RNF31: variants seen among roughly 807,000 people sequenced by gnomAD.
The protein encoded by RNF31 is ring finger protein 31.
Under a neutral mutation model 133.6 loss-of-function variants are expected in RNF31, and 38 were observed. The ratio of observed to expected loss-of-function variants is 0.28; its 90% confidence interval spans 0.22 to 0.37. RNF31 has a LOEUF of 0.37. Ranked by LOEUF, RNF31 falls within the 10% of genes least tolerant of loss-of-function variation. RNF31 has a pLI of 1.00. For missense variants in RNF31, 1,118 were observed against 1,394.1 expected, an observed-to-expected ratio of 0.80 and a Z score of 3.15; for synonymous variants, 582 against 552.3, an observed-to-expected ratio of 1.05 and a Z score of -0.75.
rs375001148 is a variant in RNF31, at chr14:24,151,664, C to G, written c.1917C>G (p.Asp639Glu). The G allele has an allele frequency of 6.2e-6, 10 of 1,610,580 alleles. No individual in the cohort carries two copies. Among genetic ancestry groups the G allele is most frequent in the Non-Finnish European group, 8.5e-6 (10 of 1,179,908 alleles). The stretch of plus-strand genomic sequence containing the variant: ...CCACCCCTTCCTGGGATGGGCCAGA[C>G]AAGCAGGTGCTGGGAGGAGGCAAGA... The part of the protein sequence containing the change: ...PEPTPSWDGP[D>E]KQSLVRRLLA... The change falls in exon 10 of 21, where the codon GAC (aspartate) becomes GAG (glutamate). Residue 639 changes from aspartate (D) to glutamate (E), a missense_variant. Transcript: ENST00000324103. The surrounding 1 kb of genome is among the most constrained non-coding windows in gnomAD (Gnocchi z 5.3).
chr14:24,151,628 T>G lies in RNF31; in HGVS notation c.1881T>G (p.Ser627Arg). 6.2e-7 allele frequency: 1 copy of G among 1,612,958 alleles called. No homozygotes were observed. The highest frequency in any genetic ancestry group is 8.5e-7 in the Non-Finnish European group (1 of 1,179,990). Reference sequence around the variant, plus strand: ...CCTTCCGCCAGCGCCTCTGGGACAGTGGCCCTGAGCCCACCCCTTCCTGGG... The same window carrying G: ...CCTTCCGCCAGCGCCTCTGGGACAGGGGCCCTGAGCCCACCCCTTCCTGGG... Reference protein sequence around the residue: ...LEPFRQRLWDSGPEPTPSWDG... With the variant: ...LEPFRQRLWDRGPEPTPSWDG... The change falls in exon 10 of 21, where the codon AGT becomes AGG. Residue 627 changes from serine to arginine, a missense_variant. Transcript: ENST00000324103. This position sits in a 1 kb window ranked among gnomAD's most constrained non-coding sequence, Gnocchi z 5.3.
At position 24,155,644 on chromosome 14, in the gene RNF31, A is replaced by C; in HGVS notation, c.2445A>C (p.Ala815=). Residue 815 remains alanine (A), a synonymous_variant, in exon 14 of 21, where the codon GCA becomes GCC. Transcript: ENST00000324103. The surrounding 1 kb of genome is among the most constrained non-coding windows in gnomAD (Gnocchi z 4.9). ...TATATGAGCGTGAGCAGCTGGAGGC[A>C]ACTTGTCCCCAGTGTCACCAGACCT... ...GFIYEREQLE[A]TCPQCHQTFC... 1 of 1,614,204 alleles carries C rather than the reference A, an allele frequency of 6.2e-7. No homozygotes were observed. Among genetic ancestry groups the C allele is most frequent in the Non-Finnish European group, 8.5e-7 (1 of 1,180,042 alleles).
Position 24,155,017 on chromosome 14 carries a change from C to G in RNF31, c.2131-140C>G. ...AGATGTTTACGTTGCCTGCCTGGCC[C>G]CTGCTGGCACTTGAGGTTGTTAACC... On this transcript the variant is annotated intron_variant, in intron 11 of 20. Transcript: ENST00000324103. The surrounding 1 kb of genome is among the most constrained non-coding windows in gnomAD (Gnocchi z 4.9). 1 of 753,978 alleles carries G rather than the reference C, an allele frequency of 1.3e-6. No homozygotes were observed. Among genetic ancestry groups the G allele is most frequent in the African/African-American group, 1.8e-5 (1 of 57,032 alleles). The allele number at this position is 753,978 out of a possible 1,614,324, so 46.7% of individuals were successfully genotyped here.
At position 24,148,644 on chromosome 14, in the gene RNF31, T is replaced by C. The variant is rs2038213951; in HGVS notation, c.498T>C (p.Asn166=). 1 of 1,614,194 alleles carries C rather than the reference T, an allele frequency of 6.2e-7. No individual in the cohort carries two copies. Reference sequence around the variant, plus strand: ...CGTTTTTATCTGTATTATTGCAGAATACTCATCCAAGACAGCAGGCACTGG... The same window carrying C: ...CGTTTTTATCTGTATTATTGCAGAACACTCATCCAAGACAGCAGGCACTGG... ...LRTELSLLLQ[N]THPRQQALEQ... is the part of the protein sequence containing the mutation. Residue 166 remains asparagine (N), a splice_region_variant and synonymous_variant, in exon 4 of 21, where the codon AAT becomes AAC. Coordinates refer to ENST00000324103, the MANE Select transcript of RNF31 (RefSeq NM_017999.5).
At chr14:24,159,463 A>G (rs1321734683) in intron 18 of RNF31, among the ~76,000 whole-genome samples, 1 of 151,846 alleles carries the variant, frequency 6.6e-6, no homozygotes, top group Non-Finnish European at 1.5e-5. Flanking sequence ...ACTTGAGCCC[A>G]GGAGTTTGAG....
chr14:24,159,097 C>T (rs1230631651), intron 18 of RNF31, among the ~76,000 whole-genome samples: 1 of 148,874 alleles, frequency 6.7e-6, no homozygotes, highest in Non-Finnish European at 1.5e-5. Flanking sequence ...GTAATCTCAG[C>T]ACTTTGGGAG....
intron 18 of RNF31, among the ~76,000 whole-genome samples, chr14:24,158,987 G>A (rs2031101): frequency 7.0e-6 from 1 of 143,622 alleles, no homozygotes; most frequent in African/African-American, 2.6e-5. Context: ...GAGCAGAGAT[G>A]GCGCCACCGC....
chr14:24,150,128 T>C lies in RNF31; in HGVS notation c.877T>C (p.Ser293Pro). ...SLLALGDSSL[S>P]SPNPASAHLP... ...GCTGGCCCTGGGAGACAGCTCTCTT[T>C]CTTCCCCTAATCCTGCAAGTGCTCA... Residue 293 changes from serine to proline, a missense_variant, in exon 7 of 21, where the codon TCT becomes CCT. Ser to Pro is a moderately conservative substitution (Grantham distance 74, BLOSUM62 -1). Transcript: ENST00000324103. 1 of 1,610,484 alleles carries C rather than the reference T, an allele frequency of 6.2e-7. No homozygotes were observed. Among genetic ancestry groups the C allele is most frequent in the Non-Finnish European group, 8.5e-7 (1 of 1,177,078 alleles).
chr14:24,157,129 A>G (rs1046565689), intron 14 of RNF31, among the ~76,000 whole-genome samples, 161 bp from the exon 15 acceptor site: 1 of 152,340 alleles, frequency 6.6e-6, no homozygotes, highest in African/African-American at 2.4e-5. Context: ...GGAGAAAATG[A>G]AAGGACCAAG....
rs934430520 is a variant in RNF31, at chr14:24,149,318, G to T, written c.632-88G>T. 9.8e-6 allele frequency: 13 copies of T among 1,325,634 alleles called. No homozygotes were observed. The African/African-American group carries it at 1.8e-4, about 18-fold the overall frequency. 82.1% of individuals were successfully genotyped at this position (1,325,634 alleles called of 1,614,324 possible). On this transcript the variant is annotated intron_variant, in intron 5 of 20. Coordinates refer to ENST00000324103, the MANE Select transcript of RNF31 (RefSeq NM_017999.5). ...TTCCTTGGGTCCAGATGTTTAAAAA[G>T]TAGTCTTGTGATTTGCCCCCATCCA...
Position 24,157,881 on chromosome 14 carries a change from A to T in RNF31, c.2728-17A>T. The T allele has an allele frequency of 6.2e-7, 1 of 1,608,142 alleles. No individual in the cohort carries two copies. The highest frequency in any genetic ancestry group is 8.5e-7 in the Non-Finnish European group (1 of 1,175,466). On this transcript the variant is annotated splice_polypyrimidine_tract_variant and intron_variant, in intron 16 of 20. Transcript: ENST00000324103. ...AACAGTCTCCAACTTCCTCTCTCCC[A>T]TCTGGGTTTCTGCCAGAAATGTCCA...
chr14:24,152,706 T>A lies in RNF31; in HGVS notation c.2130+714T>A, dbSNP rs182317583. Among the ~76,000 whole-genome samples the A allele has an allele frequency of 1.2e-4, 18 of 152,346 alleles. No homozygotes were observed. The East Asian group carries it at 1.3e-3, about 11-fold the overall frequency. On this transcript the variant is annotated intron_variant, in intron 11 of 20. Transcript: ENST00000324103. ...CAAAATAAAACACATACAGAGCCAGTCTAACTACTCTGACCTAGAGTACGT... is the reference window on the plus strand; with the variant it reads ...CAAAATAAAACACATACAGAGCCAGACTAACTACTCTGACCTAGAGTACGT...
At chr14:24,157,838 C>T (rs2038369149) in intron 16 of RNF31, 60 bp from the exon 17 acceptor site, 1 of 1,447,406 alleles carries the variant, frequency 6.9e-7, no homozygotes, top group East Asian at 2.3e-5. Context: ...GCAGGGGTTC[C>T]TGAGAGGCCA....
rs751363522 is a variant in RNF31 at position 24,147,822 on chromosome 14, C to T, written c.124C>T (p.Leu42=). Reference sequence around the variant, plus strand: ...GCTCCGGCCGCTACTAGCCAGCTCTCTGCCGCTAGCCGCCCGCTACCTGCA... The same window carrying T: ...GCTCCGGCCGCTACTAGCCAGCTCTTTGCCGCTAGCCGCCCGCTACCTGCA... ...EQLRPLLASS[L]PLAARYLQLD... The change falls in exon 1 of 21, where the codon CTG becomes TTG. Residue 42 remains leucine, a synonymous_variant. Coordinates refer to ENST00000324103, the MANE Select transcript of RNF31 (RefSeq NM_017999.5). The T allele has an allele frequency of 1.0e-5, 16 of 1,606,952 alleles. No individual in the cohort carries two copies. The highest frequency in any genetic ancestry group is 1.7e-4 in the Middle Eastern group (1 of 6,052).
chr14:24,157,206 C>T lies in RNF31; in HGVS notation c.2494-84C>T, dbSNP rs894039393. The T allele has an allele frequency of 3.0e-5, 30 of 986,374 alleles. No individual in the cohort carries two copies. In the African/African-American group the frequency reaches 4.4e-4, roughly 15 times the overall value. The allele number at this position is 986,374 out of a possible 1,614,324, so 61.1% of individuals were successfully genotyped here. On this transcript the variant is annotated intron_variant, in intron 14 of 20. Coordinates refer to ENST00000324103, the MANE Select transcript of RNF31 (RefSeq NM_017999.5). Reference sequence around the variant, plus strand: ...AGTGACATAAACCAAGCTGGGGAACCACTGGATGTGAGTGGAGGGGCCAGC... The same window carrying T: ...AGTGACATAAACCAAGCTGGGGAACTACTGGATGTGAGTGGAGGGGCCAGC...
rs370205793 is a variant in RNF31 at position 24,147,883 on chromosome 14, A to T, written c.185A>T (p.His62Leu). ...GCACGCCTTGTCCGCTGCAACGCTCATGGGGAGGTGAGGCCCGGCCCCGCT... is the reference window on the plus strand; with the variant it reads ...GCACGCCTTGTCCGCTGCAACGCTCTTGGGGAGGTGAGGCCCGGCCCCGCT... Reference protein sequence around the residue: ...DAARLVRCNAHGEPRNYLNTL... With the variant: ...DAARLVRCNALGEPRNYLNTL... The change falls in exon 1 of 21, where the codon CAT becomes CTT. Residue 62 changes from histidine (H) to leucine (L), a missense_variant. Coordinates refer to ENST00000324103, the MANE Select transcript of RNF31 (RefSeq NM_017999.5). 39 of 1,611,816 alleles carry T rather than the reference A, an allele frequency of 2.4e-5. No individual in the cohort carries two copies. The highest frequency in any genetic ancestry group is 3.0e-5 in the Non-Finnish European group (35 of 1,179,712).
rs1005594558 is a variant in RNF31 at position 24,152,386 on chromosome 14, G to A, written c.2130+394G>A. Among the ~76,000 whole-genome samples the A allele has an allele frequency of 5.3e-5, 8 of 151,206 alleles. 1 individual carries two copies. The highest frequency in any genetic ancestry group is 4.2e-4 in the South Asian group (2 of 4,786). On this transcript the variant is annotated intron_variant, in intron 11 of 20. Transcript: ENST00000324103. The stretch of plus-strand genomic sequence containing the variant: ...CATAATATAGTTTATAAATGTTTCC[G>A]TATATATCTCTAAAATGTAAAACTT...
rs1489466766 is a variant in RNF31 at position 24,149,542 on chromosome 14, G to T, written c.768G>T (p.Gln256His). The stretch of plus-strand genomic sequence containing the variant: ...CATCCCGTGCTCATCACCTCCGCCA[G>T]ACCCTGCCTGGGGTCCTGCAGGGTA... ...GHPSRAHHLR[Q>H]TLPGVLQGTH... The change falls in exon 6 of 21, where the codon CAG (glutamine) becomes CAT (histidine). Residue 256 changes from glutamine (Q) to histidine (H), a missense_variant. Coordinates refer to ENST00000324103, the MANE Select transcript of RNF31 (RefSeq NM_017999.5). The T allele has an allele frequency of 1.1e-5, 17 of 1,613,976 alleles. No homozygotes were observed. The highest frequency in any genetic ancestry group is 1.4e-5 in the Non-Finnish European group (17 of 1,180,020).
chr14:24,149,804 C>T (rs1251985499), intron 6 of RNF31, among the ~76,000 whole-genome samples: 1 of 152,200 alleles, frequency 6.6e-6, no homozygotes, highest in African/African-American at 2.4e-5. Flanking sequence ...TCTGAAGGGT[C>T]AGCTGAATCA....
Sources: allele counts gnomAD v4.1 joint callset (sites outside exome capture counted in the v4.1 genomes callset), GRCh38; gene constraint gnomAD v4.1.1; non-coding constraint Gnocchi (gnomAD v3.1); transcripts MANE v1.5; gene names NCBI Gene and HGNC (gene_info 2026-07-23, HGNC 2026-07-21).